The following STX18 variants were observed in gnomAD, a reference collection of about 807,000 sequenced individuals.
STX18 encodes syntaxin-18.
STX18 carries 40 observed loss-of-function variants against 50.1 expected under a neutral mutation model. The ratio of observed to expected loss-of-function variants is 0.80; its 90% CI spans 0.62 to 1.04. STX18 has a LOEUF of 1.04. Ranked by LOEUF, STX18 falls within the 50% of genes least tolerant of loss-of-function variation. STX18 has a pLI of 0.00. For synonymous variants in STX18, 158 were observed against 151.8 expected, an observed-to-expected ratio of 1.04 and a Z score of -0.30; for missense variants, 410 against 415.8, an observed-to-expected ratio of 0.99 and a Z score of 0.12.
At chr4:4,444,608 C>T (rs923827553) in intron 5 of STX18, among the ~76,000 whole-genome samples, 1 of 152,176 alleles carries the variant, frequency 6.6e-6, no homozygotes, top group Admixed American at 6.5e-5. Context: ...TGGAGTTTGC[C>T]CTATGTGCCT....
intron 1 of STX18, among the ~76,000 whole-genome samples, chr4:4,494,449 G>A (rs948020694): frequency 6.6e-6 from 1 of 151,932 alleles, no homozygotes; most frequent in African/African-American, 2.4e-5. Flanking sequence ...CACTTACAAG[G>A]CAATGGATTT....
At chr4:4,488,026 GT>G (rs546824969) in intron 1 of STX18, among the ~76,000 whole-genome samples, 27 of 147,770 alleles carry the variant, frequency 1.8e-4, no homozygotes, top group Admixed American at 8.8e-4. Context: ...GTTAAAAGTT[GT>G]TTTTTTTTTA....
intron 1 of STX18, among the ~76,000 whole-genome samples, chr4:4,472,403 T>A: frequency 6.6e-6 from 1 of 152,292 alleles, no homozygotes; most frequent in East Asian, 1.9e-4. Context: ...GGGACAAACG[T>A]GTTTCCAGAG....
At position 4,420,683 on chromosome 4, in the gene STX18, G is replaced by C. The variant is rs1054097470; in HGVS notation, c.912+181C>G. 6 of 598,588 alleles carry C rather than the reference G, an allele frequency of 1.0e-5. No individual in the cohort carries two copies. The African/African-American group carries it at 1.1e-4, about 11-fold the overall frequency. 37.1% of individuals were successfully genotyped at this position (598,588 alleles called of 1,614,324 possible). A position where few individuals can be genotyped will look rare whatever the true frequency, so the allele number is the denominator to read the frequency against. The stretch of plus-strand genomic sequence containing the variant: ...CCACTGCCTCTCGAAAGCAGCTGGA[G>C]GTGGGCGACAGGTGGTGGGTCTCAT... On this transcript the variant is annotated intron_variant, in intron 10 of 10. Transcript: ENST00000306200. The surrounding 1 kb of genome is among the most constrained non-coding windows in gnomAD (Gnocchi z 4.3).
intron 1 of STX18, chr4:4,507,817 A>AAAAAAAAAAAAAAAAAAAAAAT: frequency 5.7e-6 from 1 of 175,658 alleles, no homozygotes; most frequent in East Asian, 1.2e-4. Context: ...ATTCACAGTA[A>AAAAAAAAAAAAAAAAAAAAAAT]AAAAAAAAAA....
intron 1 of STX18, among the ~76,000 whole-genome samples, chr4:4,488,448 G>A (rs760738431): frequency 2.6e-5 from 4 of 152,046 alleles, no homozygotes; most frequent in Non-Finnish European, 5.9e-5. Flanking sequence ...TCATTCTCCT[G>A]GGGTCCTAGC....
At chr4:4,532,543 A>T (rs992929322) in intron 1 of STX18, among the ~76,000 whole-genome samples, 8 of 152,366 alleles carry the variant, frequency 5.3e-5, no homozygotes, top group African/African-American at 1.9e-4. Context: ...TATCACTGCA[A>T]AAAGTATTTA....
chr4:4,531,010 A>G (rs1731065916), intron 1 of STX18, among the ~76,000 whole-genome samples: 1 of 152,192 alleles, frequency 6.6e-6, no homozygotes, highest in African/African-American at 2.4e-5. Context: ...TAGTCCATCT[A>G]GAAATTTATT....
At chr4:4,529,712 A>AT (rs757696140) in intron 1 of STX18, among the ~76,000 whole-genome samples, 69 of 152,350 alleles carry the variant, frequency 4.5e-4, no homozygotes, top group Non-Finnish European at 8.4e-4. Flanking sequence ...ATCTTGGGAG[A>AT]TAGCTTACCC....
chr4:4,512,873 G>T (rs1433895883), intron 1 of STX18, among the ~76,000 whole-genome samples: 1 of 152,080 alleles, frequency 6.6e-6, no homozygotes, highest in Non-Finnish European at 1.5e-5. Flanking sequence ...TGCTTTGTGG[G>T]CTATTAATAA....
At chr4:4,518,292 G>A (rs146456955) in intron 1 of STX18, among the ~76,000 whole-genome samples, 3 of 152,308 alleles carry the variant, frequency 2.0e-5, no homozygotes, top group African/African-American at 7.2e-5. Context: ...CCATGTAAAT[G>A]TTGTAGAAAA....
intron 1 of STX18, among the ~76,000 whole-genome samples, chr4:4,533,375 G>C (rs1389144384): frequency 1.3e-5 from 2 of 152,102 alleles, no homozygotes; most frequent in Non-Finnish European, 2.9e-5. Flanking sequence ...AAGTTTACAT[G>C]AATTCAACAA....
chr4:4,526,161 A>G (rs1007813485), intron 1 of STX18, among the ~76,000 whole-genome samples: 11 of 152,122 alleles, frequency 7.2e-5, no homozygotes, highest in Non-Finnish European at 1.5e-4. Context: ...TGAAAGCAAC[A>G]TCTTCCGTGC....
chr4:4,420,731 A>T lies in STX18; in HGVS notation c.912+133T>A. 1.3e-6 allele frequency: 1 copy of T among 794,640 alleles called. No homozygotes were observed. The highest frequency in any genetic ancestry group is 2.1e-6 in the Non-Finnish European group (1 of 475,692). 49.2% of individuals were successfully genotyped at this position (794,640 alleles called of 1,614,324 possible). On this transcript the variant is annotated intron_variant, in intron 10 of 10. Coordinates refer to ENST00000306200, the MANE Select transcript of STX18 (RefSeq NM_016930.4). The surrounding 1 kb of genome is among the most constrained non-coding windows in gnomAD (Gnocchi z 4.3). ...CATGAACACACGCAGCTCCGCGGTCACACAATTTTGTGATCAGCCCCGTGA... is the reference window on the plus strand; with the variant it reads ...CATGAACACACGCAGCTCCGCGGTCTCACAATTTTGTGATCAGCCCCGTGA...
At chr4:4,531,177 C>CACACACACACT (rs1731080736) in intron 1 of STX18, among the ~76,000 whole-genome samples, 1 of 121,616 alleles carries the variant, frequency 8.2e-6, no homozygotes, top group Non-Finnish European at 1.8e-5. Context: ...ACACACACAC[C>CACACACACACT]CTGGACTAAT....
intron 1 of STX18, among the ~76,000 whole-genome samples, chr4:4,534,640 T>C (rs1437106125): frequency 3.3e-5 from 5 of 152,186 alleles, no homozygotes; most frequent in Admixed American, 6.5e-5. Context: ...TAGTTTAAAA[T>C]ACAAACATGA....
intron 1 of STX18, chr4:4,507,430 G>C (rs1729765935): frequency 1.3e-6 from 1 of 759,084 alleles, no homozygotes; most frequent in South Asian, 1.3e-5. Context: ...GAAAATCCAA[G>C]TCCGGCTAGT....
At chr4:4,458,725 T>G (rs2108817701) in intron 3 of STX18, among the ~76,000 whole-genome samples, 1 of 152,338 alleles carries the variant, frequency 6.6e-6, no homozygotes, top group Admixed American at 6.5e-5. Flanking sequence ...GGAATTTAAC[T>G]TAATGCTCAT....
intron 3 of STX18, 131 bp from the exon 4 acceptor site, chr4:4,457,631 C>A: frequency 1.5e-6 from 1 of 663,526 alleles, no homozygotes; most frequent in South Asian, 1.9e-5. Context: ...AGTCTTGTGC[C>A]AAGTGACACT....
Sources: gnomAD v4.1 joint callset for allele counts (sites outside exome capture counted in the v4.1 genomes callset) on GRCh38, gnomAD v4.1.1 for gene constraint, Gnocchi (gnomAD v3.1) non-coding constraint, MANE v1.5 for transcripts, NCBI Gene and HGNC (gene_info 2026-07-23, HGNC 2026-07-21) for gene names.